The following IL1RN variants were observed in gnomAD, a reference collection of about 807,000 sequenced individuals.
IL1RN encodes interleukin-1 receptor antagonist protein.
A neutral mutation model predicts 13.7 loss-of-function variants in IL1RN; 10 were observed. The ratio of observed to expected loss-of-function variants is 0.73; its 90% CI spans 0.45 to 1.24. IL1RN has a LOEUF of 1.24. IL1RN is among the 50% of genes most tolerant of loss of function. IL1RN has a pLI of 0.00. For synonymous variants in IL1RN, 102 were observed against 82.7 expected, an observed-to-expected ratio of 1.23 and a Z score of -1.27; for missense variants, 213 against 222.1, an observed-to-expected ratio of 0.96 and a Z score of 0.26.
chr2:113,119,339 G>A (rs1266972629), intron 1 of IL1RN, among the ~76,000 whole-genome samples: 1 of 152,238 alleles, frequency 6.6e-6, no homozygotes, highest in Non-Finnish European at 1.5e-5. Context: ...AGAGGAAATG[G>A]ATATAGAGAG....
At chr2:113,115,505 G>T (rs531305866), upstream of IL1RN, 1 of 152,174 alleles carries the variant, frequency 6.6e-6, no homozygotes, top group Non-Finnish European at 1.5e-5. Context: ...TATGCCACAG[G>T]CTGGCAGGTT....
intron 2 of IL1RN, 78 bp from the exon 3 acceptor site, chr2:113,130,967 T>G (rs957837413): frequency 1.1e-6 from 1 of 932,528 alleles, no homozygotes; most frequent in African/African-American, 1.6e-5. Context: ...CCAGGGGAGA[T>G]AGAAAAATAC....
upstream of IL1RN, among the ~76,000 whole-genome samples, chr2:113,125,117 T>A (rs1686911311): frequency 6.6e-6 from 1 of 152,200 alleles, no homozygotes; most frequent in Non-Finnish European, 1.5e-5. Flanking sequence ...AGAATTATGG[T>A]CTTCCAATTC....
At chr2:113,120,201 A>G (rs1041286944) in intron 2 of IL1RN, 52 of 1,027,058 alleles carry the variant, frequency 5.1e-5, no homozygotes, top group Non-Finnish European at 7.4e-5. Context: ...TTGATTATGT[A>G]GTTGAAGGAA....
upstream of IL1RN, among the ~76,000 whole-genome samples, chr2:113,110,058 A>C (rs1686469071): frequency 6.6e-6 from 1 of 152,202 alleles, no homozygotes; most frequent in Non-Finnish European, 1.5e-5. Context: ...AAAGGACCAC[A>C]GTCACCTTCA....
At chr2:113,130,086 C>G in intron 2 of IL1RN, 1 of 211,608 alleles carries the variant, frequency 4.7e-6, no homozygotes, top group East Asian at 1.0e-4. Flanking sequence ...CAGCCATATT[C>G]TGGTCCACAC....
At chr2:113,112,249 C>T (rs1433735823) in intron 1 of IL1RN, among the ~76,000 whole-genome samples, 1 of 152,202 alleles carries the variant, frequency 6.6e-6, no homozygotes, top group Admixed American at 6.5e-5. Context: ...GGCCCAGCCA[C>T]CGTGTTACAT....
At chr2:113,126,131 G>A (rs1229572231), upstream of IL1RN, among the ~76,000 whole-genome samples, 1 of 152,196 alleles carries the variant, frequency 6.6e-6, no homozygotes, top group Non-Finnish European at 1.5e-5. Flanking sequence ...TTGAGAAATA[G>A]TGTCTTCCTT....
At chr2:113,106,677 T>A (rs908379124), upstream of IL1RN, among the ~76,000 whole-genome samples, 6 of 152,224 alleles carry the variant, frequency 3.9e-5, no homozygotes, top group Admixed American at 1.3e-4. Flanking sequence ...GGTGGGAATC[T>A]GACCTCACTG....
chr2:113,103,583 C>A (rs1686345667), upstream of IL1RN, among the ~76,000 whole-genome samples: 1 of 152,170 alleles, frequency 6.6e-6, no homozygotes, highest in Non-Finnish European at 1.5e-5. Context: ...AGTGCTGACA[C>A]CTTGATTTGA....
At chr2:113,099,397 A>T in the IL1RN span, among the ~76,000 whole-genome samples, 3 of 152,172 alleles carry the variant, frequency 2.0e-5, no homozygotes, top group Middle Eastern at 3.2e-3. Flanking sequence ...GGCCGGTTTC[A>T]CTCCCACCAT....
chr2:113,129,587 T>G lies in IL1RN; in HGVS notation c.128T>G (p.Val43Gly), dbSNP rs755071562. 1 of 1,609,054 alleles carries G rather than the reference T, an allele frequency of 6.2e-7. No homozygotes were observed. The highest frequency in any genetic ancestry group is 8.5e-7 in the Non-Finnish European group (1 of 1,175,288). Residue 43 changes from valine to glycine, a missense_variant, in exon 2 of 4, where the codon GTT (valine) becomes GGT (glycine). Coordinates refer to ENST00000409930, the MANE Select transcript of IL1RN (RefSeq NM_173842.3). The stretch of plus-strand genomic sequence containing the variant: ...CTTTTCCTTTTCAGAATCTGGGATG[T>G]TAACCAGAAGACCTTCTATCTGAGG... ...SKMQAFRIWDVNQKTFYLRNN... is the reference protein window; with the variant it reads ...SKMQAFRIWDGNQKTFYLRNN...
Position 113,119,232 on chromosome 2 carries a change from C to G in IL1RN, c.11-834C>G, listed in dbSNP as rs949928410. Among the ~76,000 whole-genome samples the G allele has an allele frequency of 2.0e-5, 3 of 152,320 alleles. No individual in the cohort carries two copies. In the South Asian group the frequency reaches 6.2e-4, roughly 32 times the overall value. On this transcript the variant is annotated intron_variant, in intron 1 of 5. Transcript: ENST00000259206. Reference sequence around the variant, plus strand: ...CTCTTAATGGGTCATGGACACGTTACAAGCTAGGCGCCTTGCTGAGCACTT... The same window carrying G: ...CTCTTAATGGGTCATGGACACGTTAGAAGCTAGGCGCCTTGCTGAGCACTT...
rs1573313842 is a variant in IL1RN at position 113,133,799 on chromosome 2, T to G, written c.*928T>G. On this transcript the variant is annotated 3_prime_UTR_variant, in exon 4 of 4. Transcript: ENST00000409930. ...AGCTTCTGGCACTTGGAGACTTGTA[T>G]GAAAGATGGCTGTGCCTCTGCCTGT... The G allele has an allele frequency of 1.3e-5, 2 of 152,966 alleles. No homozygotes were observed. The highest frequency in any genetic ancestry group is 1.3e-4 in the Admixed American group (2 of 15,312). 9.5% of individuals were successfully genotyped at this position (152,966 alleles called of 1,614,324 possible).
chr2:113,132,894 C>T lies in IL1RN; in HGVS notation c.*23C>T, dbSNP rs573684085. 3.4e-5 allele frequency: 55 copies of T among 1,609,004 alleles called. 1 individual carries two copies. In the South Asian group the frequency reaches 5.8e-4, roughly 17 times the overall value. The stretch of plus-strand genomic sequence containing the variant: ...TAGTACTGCCCAGGCCTGCCTGTTC[C>T]CATTCTTGCATGGCAAGGACTGCAG... On this transcript the variant is annotated 3_prime_UTR_variant, in exon 4 of 4. Coordinates refer to ENST00000409930, the MANE Select transcript of IL1RN (RefSeq NM_173842.3).
upstream of IL1RN, among the ~76,000 whole-genome samples, chr2:113,117,113 G>A (rs1396918097): frequency 2.6e-5 from 4 of 152,170 alleles, no homozygotes; most frequent in African/African-American, 4.8e-5. Flanking sequence ...AAGCAGGTTC[G>A]CTCCCAACGG....
At chr2:113,129,301 A>G (rs569857339) in intron 1 of IL1RN, among the ~76,000 whole-genome samples, 1 of 152,330 alleles carries the variant, frequency 6.6e-6, no homozygotes, top group South Asian at 2.1e-4. Flanking sequence ...TTGCTGAAAC[A>G]GAAGTGCCTT....
Position 113,133,119 on chromosome 2 carries a change from C to G in IL1RN, c.*248C>G, listed in dbSNP as rs1443977878. ...AGCACAGCAGCCCCTGCACAAAGCC[C>G]TTCCATGTCGCCTCTGCATTCAGGA... is the stretch of plus-strand genomic sequence containing the variant. On this transcript the variant is annotated 3_prime_UTR_variant, in exon 4 of 4. Coordinates refer to ENST00000409930, the MANE Select transcript of IL1RN (RefSeq NM_173842.3). 7 of 564,448 alleles carry G rather than the reference C, an allele frequency of 1.2e-5. No homozygotes were observed. The highest frequency in any genetic ancestry group is 2.2e-5 in the Non-Finnish European group (7 of 312,730). The allele number at this position is 564,448 out of a possible 1,614,324, so 35.0% of individuals were successfully genotyped here.
At position 113,127,728 on chromosome 2, in the gene IL1RN, T is replaced by G; in HGVS notation, c.104T>G (p.Met35Arg). 1.2e-6 allele frequency: 2 copies of G among 1,613,854 alleles called. No individual in the cohort carries two copies. The highest frequency in any genetic ancestry group is 2.2e-5 in the South Asian group (2 of 91,080). ...CCCTCTGGGAGAAAATCCAGCAAGA[T>G]GCAAGCCTTCAGGTAAGGCTACCCC... ...CRPSGRKSSK[M>R]QAFRIWDVNQ... Residue 35 changes from methionine (M) to arginine (R), a missense_variant, in exon 1 of 4, where the codon ATG becomes AGG. Transcript: ENST00000409930.
Sources: allele counts gnomAD v4.1 joint callset (sites outside exome capture counted in the v4.1 genomes callset), GRCh38; gene constraint gnomAD v4.1.1; transcripts MANE v1.5; gene names NCBI Gene and HGNC (gene_info 2026-07-23, HGNC 2026-07-21).